FANCI: variants seen among roughly 807,000 people sequenced by gnomAD.
FANCI encodes the protein Fanconi anemia group I protein.
In FANCI, 156 loss-of-function variants were observed where a neutral mutation model predicts 176.1. The ratio of observed to expected loss-of-function variants is 0.89; its 90% CI spans 0.78 to 1.01. FANCI has a LOEUF of 1.01. Among genes scored for constraint, FANCI ranks in the 50% least tolerant of loss-of-function variants. The pLI is 0.00. For synonymous variants in FANCI, 613 were observed against 541.7 expected (o/e 1.13, Z -1.83); for missense variants, 1,678 against 1,534.1 (o/e 1.09, Z -1.57).
intron 2 of FANCI, among the ~76,000 whole-genome samples, chr15:89,250,116 C>T (rs1166582173): frequency 6.6e-6 from 1 of 152,164 alleles, no homozygotes; most frequent in African/African-American, 2.4e-5. Flanking sequence ...TCTATTCAAC[C>T]ATTGTGGAAG....
intron 35 of FANCI, among the ~76,000 whole-genome samples, chr15:89,314,292 G>A (rs1310602296): frequency 6.6e-6 from 1 of 152,076 alleles, no homozygotes; most frequent in Non-Finnish European, 1.5e-5. Flanking sequence ...ATAGAGCTAG[G>A]GCCAAAATAG....
At chr15:89,305,547 AT>A (rs2054685512) in intron 30 of FANCI, 57 bp from the exon 31 acceptor site, 1 of 1,604,208 alleles carries the variant, frequency 6.2e-7, no homozygotes, top group Non-Finnish European at 8.5e-7. Context: ...GACCACAGTT[AT>A]TATATTACCC....
chr15:89,293,211 G>T, intron 22 of FANCI, 148 bp downstream of exon 22: 1 of 872,400 alleles, frequency 1.1e-6, no homozygotes. Context: ...ACTAAACTGT[G>T]TTCTTTCCAC....
intron 34 of FANCI, among the ~76,000 whole-genome samples, chr15:89,312,529 G>A (rs1413712345): frequency 6.6e-6 from 1 of 152,168 alleles, no homozygotes; most frequent in Admixed American, 6.5e-5. Flanking sequence ...TAAGAAAATT[G>A]CCACTAGTTG....
intron 6 of FANCI, among the ~76,000 whole-genome samples, chr15:89,262,453 C>T (rs1460282595): frequency 6.6e-6 from 1 of 152,004 alleles, no homozygotes; most frequent in Non-Finnish European, 1.5e-5. Context: ...TAGAGCCACT[C>T]CATGACATTT....
At position 89,293,916 on chromosome 15, in the gene FANCI, C is replaced by T. The variant is rs771549562; in HGVS notation, c.2375C>T (p.Ala792Val). Residue 792 changes from alanine (A) to valine (V), a missense_variant, in exon 23 of 38, where the codon GCC becomes GTC. Transcript: ENST00000310775. ...ATTCTTAATGAAAAAGCGGGTAAAG[C>T]CAAAACTAAAATGGCCAACAAGACA... ...SDILNEKAGK[A>V]KTKMANKTSD... 2 of 1,613,880 alleles carry T rather than the reference C, an allele frequency of 1.2e-6. No individual in the cohort carries two copies. The highest frequency in any genetic ancestry group is 2.7e-5 in the African/African-American group (2 of 74,864).
At chr15:89,284,747 C>A (rs1414713786) in intron 17 of FANCI, among the ~76,000 whole-genome samples, 1 of 152,190 alleles carries the variant, frequency 6.6e-6, no homozygotes, top group Non-Finnish European at 1.5e-5. Flanking sequence ...ATTCTTCTAG[C>A]TATTGAAGAA....
chr15:89,276,660 A>G lies in FANCI; in HGVS notation c.1113-51A>G, dbSNP rs759605813. 2.5e-6 allele frequency: 4 copies of G among 1,600,402 alleles called. No homozygotes were observed. The South Asian group carries it at 4.4e-5, about 18-fold the overall frequency. On this transcript the variant is annotated intron_variant, in intron 12 of 37. Coordinates refer to ENST00000310775, the MANE Select transcript of FANCI (RefSeq NM_001113378.2). Reference sequence around the variant, plus strand: ...TAACAGGGCAATGAGTATAAAGGTAAGAATATCTCACTAAGTTTTTCTTTT... The same window carrying G: ...TAACAGGGCAATGAGTATAAAGGTAGGAATATCTCACTAAGTTTTTCTTTT...
In FANCI at chr15:89,305,611, G is replaced by C; in HGVS notation, c.3262G>C (p.Val1088Leu). Reference sequence around the variant, plus strand: ...AGGCACTCTTTTCTTTCAGTTACTTGTTCTGAGTCAGGCCGAGAAGGTTCT... The same window carrying C: ...AGGCACTCTTTTCTTTCAGTTACTTCTTCTGAGTCAGGCCGAGAAGGTTCT... ...RTAAPTVCLLVLSQAEKVLEE... is the reference protein window; with the variant it reads ...RTAAPTVCLLLLSQAEKVLEE... Residue 1088 changes from valine (V) to leucine (L), a missense_variant, in exon 31 of 38, where the codon GTT (valine) becomes CTT (leucine). Around this residue, in one of 3 missense-constraint regions of FANCI, gnomAD observed 1,204 missense variants for 1,077.4 expected, o/e 1.12. Coordinates refer to ENST00000310775, the MANE Select transcript of FANCI (RefSeq NM_001113378.2). The C allele has an allele frequency of 6.2e-7, 1 of 1,614,154 alleles. No homozygotes were observed. Among genetic ancestry groups the C allele is most frequent in the Non-Finnish European group, 8.5e-7 (1 of 1,180,022 alleles).
chr15:89,281,197 C>T lies in FANCI; in HGVS notation c.1409C>T (p.Ala470Val). The change falls in exon 15 of 38, where the codon GCA becomes GTA. Residue 470 changes from alanine (A) to valine (V), a missense_variant. Transcript: ENST00000310775. ...LDLLSNIVMY[A>V]PLVLQSCSSK... is the part of the protein sequence containing the mutation. ...CTGCTTTCAAATATCGTCATGTATG[C>T]ACCCTTAGTTCTTCAAAGTTGTTCT... is the stretch of plus-strand genomic sequence containing the variant. The T allele has an allele frequency of 6.2e-7, 1 of 1,613,716 alleles. No homozygotes were observed. Among genetic ancestry groups the T allele is most frequent in the Non-Finnish European group, 8.5e-7 (1 of 1,179,728 alleles).
chr15:89,244,809 A>G (rs2051872871), intron 1 of FANCI, among the ~76,000 whole-genome samples: 1 of 152,184 alleles, frequency 6.6e-6, no homozygotes, highest in Non-Finnish European at 1.5e-5. Context: ...TTGTTCATCT[A>G]AAATGGGGCT....
At position 89,281,194 on chromosome 15, in the gene FANCI, A is replaced by G. The variant is rs756206080; in HGVS notation, c.1406A>G (p.Tyr469Cys). Residue 469 changes from tyrosine (Y) to cysteine (C), a missense_variant, in exon 15 of 38, where the codon TAT (tyrosine) becomes TGT (cysteine). Tyr to Cys is a radical substitution (Grantham distance 194). Transcript: ENST00000310775. ...GACCTGCTTTCAAATATCGTCATGT[A>G]TGCACCCTTAGTTCTTCAAAGTTGT... ...FLDLLSNIVMYAPLVLQSCSS... is the reference protein window; with the variant it reads ...FLDLLSNIVMCAPLVLQSCSS... 4 of 1,613,774 alleles carry G rather than the reference A, an allele frequency of 2.5e-6. No homozygotes were observed. The highest frequency in any genetic ancestry group is 3.4e-6 in the Non-Finnish European group (4 of 1,179,762).
At chr15:89,294,025 C>CCT in intron 23 of FANCI, 28 bp downstream of exon 23, 1 of 1,613,340 alleles carries the variant, frequency 6.2e-7, no homozygotes, top group African/African-American at 1.3e-5. Context: ...TGCTTAAAGA[C>CCT]AGCCACTCCC....
chr15:89,294,633 A>AC (rs2054184767), intron 23 of FANCI, among the ~76,000 whole-genome samples: 1 of 132,676 alleles, frequency 7.5e-6, no homozygotes, highest in Non-Finnish European at 1.7e-5. Context: ...ATACAAAGGG[A>AC]CAAAAAAAAA....
At chr15:89,275,357 G>GA (rs1465409100) in intron 12 of FANCI, among the ~76,000 whole-genome samples, 2 of 152,096 alleles carry the variant, frequency 1.3e-5, no homozygotes, top group Non-Finnish European at 2.9e-5. Context: ...AAACCACATG[G>GA]AAAACATCAG....
chr15:89,314,973 T>G (rs2055161638), intron 36 of FANCI, among the ~76,000 whole-genome samples: 1 of 151,688 alleles, frequency 6.6e-6, no homozygotes, highest in South Asian at 2.1e-4. Context: ...CCCCACTAGT[T>G]TTTTGGGTTT....
chr15:89,247,958 A>G (rs1307104046), intron 2 of FANCI, among the ~76,000 whole-genome samples: 1 of 152,208 alleles, frequency 6.6e-6, no homozygotes, highest in East Asian at 1.9e-4. Context: ...AACCTGAAAT[A>G]GTTTAAGAAT....
intron 25 of FANCI, 108 bp from the exon 26 acceptor site, chr15:89,300,192 T>G: frequency 8.4e-7 from 1 of 1,191,488 alleles, no homozygotes; most frequent in African/African-American, 1.5e-5. Context: ...TTTAGAAATT[T>G]AAGTCTGCCT....
intron 14 of FANCI, among the ~76,000 whole-genome samples, chr15:89,279,848 C>G (rs1477010032): frequency 6.6e-6 from 1 of 152,120 alleles, no homozygotes. Flanking sequence ...GTGTCTAATT[C>G]CTATTCTTAC....
Sources: gnomAD v4.1 joint callset for allele counts (sites outside exome capture counted in the v4.1 genomes callset) on GRCh38, gnomAD v4.1.1 for gene constraint, gnomAD v4.1.1 regional missense constraint, MANE v1.5 for transcripts, NCBI Gene and HGNC (gene_info 2026-07-23, HGNC 2026-07-21) for gene names.